Variants in GRID1 observed in about 807,000 individuals in gnomAD.
The protein encoded by GRID1 is glutamate ionotropic receptor delta type subunit 1.
Under a neutral mutation model 98.0 loss-of-function variants are expected in GRID1, and 28 were observed. That is an observed-to-expected ratio of 0.29 (90% CI 0.21 to 0.39). The LOEUF is 0.39. Ranked by LOEUF, GRID1 falls within the 10% of genes least tolerant of loss-of-function variation. The probability of loss-of-function intolerance (pLI) is 1.00; values close to 1 mark genes in which losing one functional copy is unlikely to be tolerated. For synonymous variants in GRID1, 553 were observed against 538.5 expected, an observed-to-expected ratio of 1.03 and a Z score of -0.37; for missense variants, 1,111 against 1,340.5, an observed-to-expected ratio of 0.83 and a Z score of 2.67.
chr10:85,904,038 C>T (rs1841425627), intron 5 of GRID1, among the ~76,000 whole-genome samples: 1 of 152,180 alleles, frequency 6.6e-6, no homozygotes, highest in African/African-American at 2.4e-5. Context: ...TATTACTCTA[C>T]ATAGTATCTA....
chr10:86,281,359 G>A (rs150851016), intron 2 of GRID1, among the ~76,000 whole-genome samples: 222 of 152,330 alleles, frequency 1.5e-3, no homozygotes, highest in African/African-American at 4.8e-3. Flanking sequence ...TGCAGCCAGT[G>A]GCTGCAGAGG....
intron 2 of GRID1, among the ~76,000 whole-genome samples, chr10:86,228,124 T>C (rs1231617122): frequency 6.7e-6 from 1 of 149,744 alleles, no homozygotes; most frequent in Non-Finnish European, 1.5e-5. Context: ...TGGATGAATA[T>C]GTAGGTGGTT....
At chr10:86,291,672 G>A (rs12256651) in intron 2 of GRID1, among the ~76,000 whole-genome samples, 9,497 of 152,198 alleles carry the variant, frequency 0.062, 535 homozygotes, top group African/African-American at 0.15. Context: ...ATCACACAGC[G>A]CTAAGTCTCT....
chr10:86,351,199 A>G (rs1848456949), intron 2 of GRID1, among the ~76,000 whole-genome samples: 1 of 152,262 alleles, frequency 6.6e-6, no homozygotes, highest in African/African-American at 2.4e-5. Flanking sequence ...GGATCAGCTG[A>G]AATGGCTCCA....
chr10:86,000,445 T>C (rs1842790536), intron 4 of GRID1, among the ~76,000 whole-genome samples: 1 of 152,068 alleles, frequency 6.6e-6, no homozygotes, highest in African/African-American at 2.4e-5. Context: ...AACATACATA[T>C]GGAAAGGCAA....
At chr10:86,356,899 G>A (rs1029728963) in intron 2 of GRID1, among the ~76,000 whole-genome samples, 5 of 152,230 alleles carry the variant, frequency 3.3e-5, no homozygotes, top group Admixed American at 6.5e-5. Flanking sequence ...AGAAGGCTCA[G>A]TGAAGAGGGA....
chr10:86,080,419 G>A (rs71503847), intron 4 of GRID1, among the ~76,000 whole-genome samples: 1,004 of 9,464 alleles, frequency 0.11, 34 homozygotes, highest in South Asian at 0.14. Flanking sequence ...AAGGGGAGGG[G>A]AGGGGAGGGG....
chr10:85,784,184 C>A (rs1440311530), intron 8 of GRID1, among the ~76,000 whole-genome samples: 1 of 152,154 alleles, frequency 6.6e-6, no homozygotes, highest in Non-Finnish European at 1.5e-5. Context: ...TTTTGAGGGT[C>A]TAAACAGGAA....
intron 8 of GRID1, among the ~76,000 whole-genome samples, chr10:85,839,403 C>A (rs1209913051): frequency 1.3e-5 from 2 of 152,162 alleles, no homozygotes; most frequent in Admixed American, 1.3e-4. Context: ...AAACACTCAT[C>A]AGCCAATGCA....
At chr10:85,903,194 A>G (rs1276681506) in intron 5 of GRID1, among the ~76,000 whole-genome samples, 12 of 152,262 alleles carry the variant, frequency 7.9e-5, no homozygotes, top group South Asian at 2.1e-4. Flanking sequence ...TCTAATAGGT[A>G]TCTCAAAATT....
intron 14 of GRID1, among the ~76,000 whole-genome samples, chr10:85,618,570 AAGGGAAAAC>A (rs532688364): frequency 1.6e-4 from 24 of 152,332 alleles, no homozygotes; most frequent in African/African-American, 5.8e-4. Flanking sequence ...GATTAAATTT[AAGGGAAAAC>A]CCAAAAGCCT....
chr10:85,699,612 AAAT>A (rs879366188), intron 12 of GRID1, among the ~76,000 whole-genome samples: 16 of 152,238 alleles, frequency 1.1e-4, no homozygotes, highest in Non-Finnish European at 2.1e-4. Flanking sequence ...AGACTTTTAA[AAAT>A]AATAATACAA....
chr10:86,025,249 T>C (rs1481336768), intron 4 of GRID1, among the ~76,000 whole-genome samples: 4 of 152,210 alleles, frequency 2.6e-5, no homozygotes, highest in Non-Finnish European at 5.9e-5. Context: ...GTACCAAGTC[T>C]TCCTTTTGGG....
chr10:85,961,512 C>T (rs1842266701), intron 4 of GRID1, among the ~76,000 whole-genome samples: 1 of 150,792 alleles, frequency 6.6e-6, no homozygotes, highest in Admixed American at 6.8e-5. Flanking sequence ...GTCTGTCCTC[C>T]CTCCCTTCTG....
intron 8 of GRID1, among the ~76,000 whole-genome samples, chr10:85,771,441 C>G (rs903387783): frequency 2.0e-5 from 3 of 152,058 alleles, no homozygotes; most frequent in African/African-American, 7.2e-5. Context: ...CAGCTAACAT[C>G]ATAATGACAG....
intron 4 of GRID1, among the ~76,000 whole-genome samples, chr10:85,948,510 G>A (rs1165921899): frequency 6.6e-6 from 1 of 152,154 alleles, no homozygotes; most frequent in Non-Finnish European, 1.5e-5. Context: ...AAATAATAAG[G>A]ATGTGTAGAT....
At chr10:85,847,058 T>C (rs188739295) in intron 8 of GRID1, among the ~76,000 whole-genome samples, 2 of 152,322 alleles carry the variant, frequency 1.3e-5, no homozygotes, top group Admixed American at 6.5e-5. Flanking sequence ...ATTCTGCCAA[T>C]GTTACCTACG....
At chr10:86,274,924 C>G (rs1300066887) in intron 2 of GRID1, among the ~76,000 whole-genome samples, 1 of 151,856 alleles carries the variant, frequency 6.6e-6, no homozygotes, top group African/African-American at 2.4e-5. Flanking sequence ...GCCTAATTGC[C>G]CTGGCCAGAA....
intron 4 of GRID1, among the ~76,000 whole-genome samples, chr10:86,010,302 T>C (rs750226070): frequency 3.9e-5 from 6 of 152,186 alleles, no homozygotes; most frequent in Admixed American, 6.5e-5. Flanking sequence ...GTGCTGAGCA[T>C]TGGGGCTATA....
Sources: allele counts gnomAD v4.1 joint callset (sites outside exome capture counted in the v4.1 genomes callset), GRCh38; gene constraint gnomAD v4.1.1; transcripts MANE v1.5; gene names NCBI Gene and HGNC (gene_info 2026-07-23, HGNC 2026-07-21).